The following AGBL4 variants were observed in gnomAD, a reference collection of about 807,000 sequenced individuals.
AGBL4 encodes cytosolic carboxypeptidase 6.
AGBL4 carries 58 observed loss-of-function variants against 66.4 expected under a neutral mutation model. The ratio of observed to expected loss-of-function variants is 0.87; its 90% CI spans 0.71 to 1.09. The LOEUF (loss-of-function observed/expected upper bound fraction) is 1.09. Ranked by LOEUF, AGBL4 falls within the 50% of genes least tolerant of loss-of-function variation. The pLI is 0.00. For synonymous variants in AGBL4, 234 were observed against 222.9 expected (o/e 1.05, Z -0.44); for missense variants, 579 against 631.0 (o/e 0.92, Z 0.88).
At chr1:49,066,221 C>T (rs1644489325) in intron 4 of AGBL4, among the ~76,000 whole-genome samples, 1 of 152,114 alleles carries the variant, frequency 6.6e-6, no homozygotes. Flanking sequence ...TCCTGTTCTT[C>T]TGGGCTGAGA....
intron 3 of AGBL4, among the ~76,000 whole-genome samples, chr1:49,652,376 G>A (rs1571254389): frequency 1.3e-5 from 2 of 152,230 alleles, no homozygotes; most frequent in South Asian, 4.1e-4. Flanking sequence ...ATACAAGAAG[G>A]ACATCATCTT....
intron 4 of AGBL4, among the ~76,000 whole-genome samples, chr1:49,243,328 T>G (rs1406933014): frequency 6.6e-6 from 1 of 151,704 alleles, no homozygotes; most frequent in East Asian, 1.9e-4. Flanking sequence ...GTTAGGTCAT[T>G]GCCAAGATTC....
chr1:49,988,394 T>C (rs555157080), intron 1 of AGBL4, among the ~76,000 whole-genome samples: 7 of 152,278 alleles, frequency 4.6e-5, no homozygotes, highest in African/African-American at 1.7e-4. Flanking sequence ...CTTAGTCAAT[T>C]TCCTGCTCAG....
At position 49,381,323 on chromosome 1, in the gene AGBL4, G is replaced by A. The variant is rs965903398; in HGVS notation, c.283-135459C>T. On this transcript the variant is annotated intron_variant, in intron 3 of 13. Coordinates refer to ENST00000371839, the MANE Select transcript of AGBL4 (RefSeq NM_032785.4). The stretch of plus-strand genomic sequence containing the variant: ...ATCATCTCACACCAGTTAGAATGGC[G>A]ATCACTAAAAAGTCAGGAAACAACA... Among the ~76,000 whole-genome samples the A allele has an allele frequency of 1.4e-3, 207 of 152,258 alleles. 1 individual carries two copies. The highest frequency in any genetic ancestry group is 4.2e-3 in the African/African-American group (175 of 41,556).
chr1:49,925,991 G>A (rs1043994843), intron 1 of AGBL4, among the ~76,000 whole-genome samples: 1 of 152,182 alleles, frequency 6.6e-6, no homozygotes, highest in Non-Finnish European at 1.5e-5. Flanking sequence ...GTCTGGCTTT[G>A]CCACCTGCTG....
At chr1:48,738,462 C>T (rs545587570) in intron 6 of AGBL4, among the ~76,000 whole-genome samples, 11 of 152,314 alleles carry the variant, frequency 7.2e-5, no homozygotes, top group Admixed American at 3.3e-4. Flanking sequence ...GCCTTTTCTC[C>T]GCAGTTCGAA....
chr1:48,609,620 G>T (rs1001704621), intron 9 of AGBL4, among the ~76,000 whole-genome samples: 2 of 152,058 alleles, frequency 1.3e-5, no homozygotes, highest in Admixed American at 6.6e-5. Flanking sequence ...ATAGGGTATT[G>T]CTATGTTGCC....
intron 5 of AGBL4, among the ~76,000 whole-genome samples, chr1:48,929,203 T>C (rs541857045): frequency 1.3e-5 from 2 of 152,272 alleles, no homozygotes; most frequent in South Asian, 4.1e-4. Context: ...ACTCCCTTAC[T>C]CAAGGTCTCT....
intron 5 of AGBL4, among the ~76,000 whole-genome samples, chr1:48,877,773 T>G (rs1649362352): frequency 6.6e-6 from 1 of 152,016 alleles, no homozygotes; most frequent in South Asian, 2.1e-4. Flanking sequence ...CTGTGTTGTT[T>G]GAATAAGGAT....
chr1:49,359,146 C>T (rs930004394), intron 3 of AGBL4, among the ~76,000 whole-genome samples: 2 of 152,102 alleles, frequency 1.3e-5, no homozygotes, highest in African/African-American at 2.4e-5. Context: ...ATAGCTTTAG[C>T]ATGTATGAGT....
At chr1:49,806,383 T>C (rs1644977698) in intron 2 of AGBL4, among the ~76,000 whole-genome samples, 1 of 152,234 alleles carries the variant, frequency 6.6e-6, no homozygotes, top group Admixed American at 6.5e-5. Flanking sequence ...TGTGTCCTAG[T>C]ATTTTGTTGA....
intron 5 of AGBL4, among the ~76,000 whole-genome samples, chr1:48,894,012 T>G (rs1048905558): frequency 6.6e-6 from 1 of 152,224 alleles, no homozygotes; most frequent in Admixed American, 6.5e-5. Flanking sequence ...CATCATGTAC[T>G]GGCCACCAGA....
intron 3 of AGBL4, among the ~76,000 whole-genome samples, chr1:49,256,012 T>C (rs1194046752): frequency 6.6e-6 from 1 of 151,014 alleles, no homozygotes; most frequent in African/African-American, 2.4e-5. Flanking sequence ...TATGGGAGAG[T>C]AAAAAGTGGG....
intron 4 of AGBL4, among the ~76,000 whole-genome samples, chr1:49,114,726 A>G (rs1468951887): frequency 6.6e-6 from 1 of 151,720 alleles, no homozygotes; most frequent in Non-Finnish European, 1.5e-5. Context: ...CCTAATTTTA[A>G]TATTGTTGTG....
intron 6 of AGBL4, among the ~76,000 whole-genome samples, chr1:48,789,486 T>G (rs1645491979): frequency 6.6e-6 from 1 of 152,072 alleles, no homozygotes; most frequent in Non-Finnish European, 1.5e-5. Context: ...AGACAGGGTT[T>G]CACCATGTTA....
intron 4 of AGBL4, among the ~76,000 whole-genome samples, chr1:49,196,764 T>C (rs1240243338): frequency 6.6e-6 from 1 of 152,088 alleles, no homozygotes; most frequent in East Asian, 1.9e-4. Flanking sequence ...TTGAGGATGT[T>C]ATTATAATGT....
intron 4 of AGBL4, among the ~76,000 whole-genome samples, chr1:49,171,695 C>T (rs960181665): frequency 2.6e-5 from 4 of 152,092 alleles, no homozygotes; most frequent in African/African-American, 9.7e-5. Context: ...ATGTTGCTTG[C>T]TCTGTGGCCT....
intron 4 of AGBL4, among the ~76,000 whole-genome samples, chr1:49,048,609 G>C (rs1311115005): frequency 6.6e-6 from 1 of 152,098 alleles, no homozygotes; most frequent in African/African-American, 2.4e-5. Flanking sequence ...ATAAAGCAAA[G>C]GGGGCTGAAA....
chr1:49,884,782 A>G (rs1459790747), intron 1 of AGBL4, among the ~76,000 whole-genome samples: 1 of 151,952 alleles, frequency 6.6e-6, no homozygotes, highest in Non-Finnish European at 1.5e-5. Context: ...CCTTTAAAAA[A>G]TAATGTATGA....
Sources: gnomAD v4.1 joint callset for allele counts (sites outside exome capture counted in the v4.1 genomes callset) on GRCh38, gnomAD v4.1.1 for gene constraint, MANE v1.5 for transcripts, NCBI Gene and HGNC (gene_info 2026-07-23, HGNC 2026-07-21) for gene names.